The following ITGBL1 variants were observed in gnomAD, a reference collection of about 807,000 sequenced individuals.
ITGBL1 encodes integrin subunit beta like 1.
A neutral mutation model predicts 68.5 loss-of-function variants in ITGBL1; 51 were observed. The observed-to-expected ratio is 0.74, with a 90% CI of 0.59 to 0.94. ITGBL1 has a LOEUF of 0.94. ITGBL1 is among the 40% of genes least tolerant of loss of function. The pLI, the probability that ITGBL1 is intolerant of heterozygous loss-of-function variation, is 0.00. For synonymous variants in ITGBL1, 209 were observed against 227.3 expected (o/e 0.92, Z 0.72); for missense variants, 649 against 647.4 (o/e 1.00, Z -0.03).
chr13:101,460,622 A>G (rs2048305359), intron 2 of ITGBL1, among the ~76,000 whole-genome samples: 1 of 152,232 alleles, frequency 6.6e-6, no homozygotes, highest in South Asian at 2.1e-4. Context: ...GTGTTGCTGT[A>G]AAAGAATACC....
intron 7 of ITGBL1, among the ~76,000 whole-genome samples, chr13:101,627,200 T>G (rs1442340173): frequency 6.6e-6 from 1 of 152,216 alleles, no homozygotes; most frequent in East Asian, 1.9e-4. Flanking sequence ...CATGTAATTT[T>G]TTTTTATATT....
intron 2 of ITGBL1, among the ~76,000 whole-genome samples, chr13:101,467,974 G>T (rs2048406605): frequency 2.0e-5 from 3 of 152,052 alleles, no homozygotes; most frequent in Non-Finnish European, 4.4e-5. Flanking sequence ...TTAGTCAATG[G>T]GGTAGAGTAA....
intron 7 of ITGBL1, among the ~76,000 whole-genome samples, chr13:101,651,107 T>A (rs1325370973): frequency 6.6e-6 from 1 of 152,218 alleles, no homozygotes; most frequent in African/African-American, 2.4e-5. Flanking sequence ...ACAGTGAACA[T>A]ATCCATGCAT....
intron 2 of ITGBL1, among the ~76,000 whole-genome samples, chr13:101,531,611 G>GA (rs1377564350): frequency 8.1e-5 from 10 of 124,078 alleles, no homozygotes; most frequent in African/African-American, 2.7e-4. Context: ...GTATTTTTTG[G>GA]GGGGAGGGGA....
At chr13:101,536,293 T>G (rs1198023814) in intron 2 of ITGBL1, among the ~76,000 whole-genome samples, 2 of 152,022 alleles carry the variant, frequency 1.3e-5, no homozygotes, top group African/African-American at 2.4e-5. Flanking sequence ...ATTTTTATTT[T>G]TAACTTCTAG....
chr13:101,531,288 A>G (rs1484806831), intron 2 of ITGBL1, among the ~76,000 whole-genome samples: 1 of 152,192 alleles, frequency 6.6e-6, no homozygotes, highest in African/African-American at 2.4e-5. Context: ...GGGCTCTGAT[A>G]TTTCTGCTGC....
chr13:101,559,051 T>C (rs922817306), intron 2 of ITGBL1, among the ~76,000 whole-genome samples: 3 of 152,220 alleles, frequency 2.0e-5, no homozygotes, highest in Non-Finnish European at 4.4e-5. Context: ...AGTCACAGGT[T>C]ATTAGAAAAC....
Position 101,472,652 on chromosome 13 carries a change from A to G in ITGBL1, c.316+18552A>G, listed in dbSNP as rs2139645759. Among the ~76,000 whole-genome samples the G allele has an allele frequency of 2.0e-5, 3 of 152,260 alleles. No individual in the cohort carries two copies. In the South Asian group the frequency reaches 6.2e-4, roughly 32 times the overall value. On this transcript the variant is annotated intron_variant, in intron 2 of 10. Transcript: ENST00000376180. ...GCTCTCACACAGGCATTGGGTGGCCAGTCAACTGTTTTAAATTAACTGACA... is the reference window on the plus strand; with the variant it reads ...GCTCTCACACAGGCATTGGGTGGCCGGTCAACTGTTTTAAATTAACTGACA...
intron 6 of ITGBL1, among the ~76,000 whole-genome samples, chr13:101,593,930 T>C (rs1216378725): frequency 1.3e-5 from 2 of 152,066 alleles, no homozygotes; most frequent in Non-Finnish European, 2.9e-5. Flanking sequence ...TTACCACAAA[T>C]GATAAATGCA....
chr13:101,648,667 TTAAA>T (rs923895425), intron 7 of ITGBL1, among the ~76,000 whole-genome samples: 1 of 152,136 alleles, frequency 6.6e-6, no homozygotes, highest in East Asian at 1.9e-4. Flanking sequence ...ATTAAAATTA[TTAAA>T]TAAAGTTCAT....
At chr13:101,488,976 C>A (rs1336857184) in intron 2 of ITGBL1, among the ~76,000 whole-genome samples, 1 of 152,114 alleles carries the variant, frequency 6.6e-6, no homozygotes, top group African/African-American at 2.4e-5. Flanking sequence ...CCAGTAGGAG[C>A]CAAAACACCA....
At chr13:101,509,586 A>G (rs2049082599) in intron 2 of ITGBL1, among the ~76,000 whole-genome samples, 1 of 152,006 alleles carries the variant, frequency 6.6e-6, no homozygotes, top group African/African-American at 2.4e-5. Context: ...ATTCAATATC[A>G]TTATTATTAT....
At chr13:101,653,603 G>A (rs1318049606) in intron 7 of ITGBL1, among the ~76,000 whole-genome samples, 1 of 152,154 alleles carries the variant, frequency 6.6e-6, no homozygotes, top group Non-Finnish European at 1.5e-5. Context: ...CCAAAAACAT[G>A]TAAATAGGCA....
At chr13:101,638,184 A>G (rs983495907) in intron 7 of ITGBL1, among the ~76,000 whole-genome samples, 5 of 152,228 alleles carry the variant, frequency 3.3e-5, no homozygotes, top group African/African-American at 9.6e-5. Context: ...AAGAGAGTCA[A>G]TGACATTATT....
intron 2 of ITGBL1, among the ~76,000 whole-genome samples, chr13:101,457,136 A>G (rs1419824086): frequency 1.3e-5 from 2 of 152,346 alleles, no homozygotes; most frequent in East Asian, 1.9e-4. Context: ...TGCTCAGTAC[A>G]TATTAAAATG....
intron 2 of ITGBL1, among the ~76,000 whole-genome samples, chr13:101,460,620 G>A (rs556413176): frequency 5.3e-5 from 8 of 152,324 alleles, no homozygotes; most frequent in African/African-American, 1.9e-4. Flanking sequence ...TTGTGTTGCT[G>A]TAAAAGAATA....
chr13:101,644,771 A>G (rs1476634799), intron 7 of ITGBL1, among the ~76,000 whole-genome samples: 12 of 152,206 alleles, frequency 7.9e-5, no homozygotes, highest in African/African-American at 2.9e-4. Flanking sequence ...TTACTCATTT[A>G]TGTGAATAAG....
intron 7 of ITGBL1, among the ~76,000 whole-genome samples, chr13:101,676,575 A>G (rs569488686): frequency 3.6e-4 from 55 of 152,288 alleles, no homozygotes; most frequent in African/African-American, 1.3e-3. Context: ...CGGAAGTGAC[A>G]AATACATCAA....
At chr13:101,464,267 C>T (rs1312701354) in intron 2 of ITGBL1, among the ~76,000 whole-genome samples, 1 of 152,114 alleles carries the variant, frequency 6.6e-6, no homozygotes, top group Non-Finnish European at 1.5e-5. Flanking sequence ...TGATCCCCTC[C>T]TTCTCATCAC....
Sources: allele counts gnomAD v4.1 joint callset (sites outside exome capture counted in the v4.1 genomes callset), GRCh38; gene constraint gnomAD v4.1.1; transcripts MANE v1.5; gene names NCBI Gene and HGNC (gene_info 2026-07-23, HGNC 2026-07-21).